RBFOX2: variants seen among roughly 807,000 people sequenced by gnomAD.
RBFOX2 encodes the protein RNA binding fox-1 homolog 2.
Under a neutral mutation model 49.1 loss-of-function variants are expected in RBFOX2, and 10 were observed. The observed-to-expected ratio is 0.20, with a 90% CI of 0.13 to 0.35. The LOEUF (loss-of-function observed/expected upper bound fraction) is 0.35, where lower values mean the gene tolerates loss of function less well. Among genes scored for constraint, RBFOX2 ranks in the 10% least tolerant of loss-of-function variants. The probability of loss-of-function intolerance (pLI) is 1.00; values close to 1 mark genes in which losing one functional copy is unlikely to be tolerated. For synonymous variants in RBFOX2, 183 were observed against 187.4 expected (o/e 0.98, Z 0.19); for missense variants, 323 against 486.9 (o/e 0.66, Z 3.17).
intron 1 of RBFOX2, among the ~76,000 whole-genome samples, chr22:35,881,768 G>A (rs1198104894): frequency 3.3e-5 from 5 of 151,888 alleles, no homozygotes; most frequent in African/African-American, 1.2e-4. Context: ...AGACCTGCCT[G>A]GCCAATATGG....
At chr22:35,747,067 G>C (rs1354516384) in intron 9 of RBFOX2, 1 of 152,268 alleles carries the variant, frequency 6.6e-6, no homozygotes, top group Non-Finnish European at 1.5e-5. Context: ...GGCCTAGCAT[G>C]TTTGCCAAGA....
At chr22:36,023,164 A>G (rs1001590792) in intron 1 of RBFOX2, among the ~76,000 whole-genome samples, 1 of 152,214 alleles carries the variant, frequency 6.6e-6, no homozygotes, top group African/African-American at 2.4e-5. Context: ...AGAGACATCC[A>G]CCTATGAGGA....
chr22:35,918,451 A>G (rs1308789105), intron 1 of RBFOX2, among the ~76,000 whole-genome samples: 2 of 152,214 alleles, frequency 1.3e-5, no homozygotes, highest in African/African-American at 4.8e-5. Context: ...CCCTAGAGTC[A>G]GCATTCATTC....
At chr22:36,001,096 T>A (rs1041399674) in intron 1 of RBFOX2, among the ~76,000 whole-genome samples, 4 of 152,086 alleles carry the variant, frequency 2.6e-5, no homozygotes, top group African/African-American at 9.6e-5. Context: ...GTAAAGAAGG[T>A]CCTTCTCAGA....
intron 1 of RBFOX2, among the ~76,000 whole-genome samples, chr22:35,829,139 A>T (rs1319918348): frequency 2.0e-5 from 3 of 152,238 alleles, no homozygotes; most frequent in Non-Finnish European, 4.4e-5. Context: ...TGCTGTAGAT[A>T]AAGCTCAAGA....
In RBFOX2 at chr22:35,767,416, G is replaced by A. The variant is rs564168301; in HGVS notation, c.546+841C>T. Among the ~76,000 whole-genome samples, 4 of 152,296 alleles carry A rather than the reference G, an allele frequency of 2.6e-5. No individual in the cohort carries two copies. The South Asian group carries it at 6.2e-4, about 24-fold the overall frequency. Reference sequence around the variant, plus strand: ...ATTGTGTATAGTTACCATGGAAAGAGTGAGTCAAGTGAAGGGCCCTAAATG... The same window carrying A: ...ATTGTGTATAGTTACCATGGAAAGAATGAGTCAAGTGAAGGGCCCTAAATG... On this transcript the variant is annotated intron_variant, in intron 5 of 11. Coordinates refer to ENST00000405409, the Ensembl canonical transcript of RBFOX2.
At chr22:35,916,668 G>A (rs1321547782) in intron 1 of RBFOX2, among the ~76,000 whole-genome samples, 1 of 152,078 alleles carries the variant, frequency 6.6e-6, no homozygotes, top group Non-Finnish European at 1.5e-5. Context: ...GGCTGACGCG[G>A]GCGGGTCACC....
rs187719012 is a variant in RBFOX2 at position 35,856,925 on chromosome 22, G to A, written c.-33-46921C>T. On this transcript the variant is annotated intron_variant, in intron 1 of 13. Transcript: ENST00000359369. ...CGTGCGCCTGTAATCCCAACTACTC[G>A]GGAGGTTGAGGCAGGAGAATTGCCT... Among the ~76,000 whole-genome samples, 13 of 152,206 alleles carry A rather than the reference G, an allele frequency of 8.5e-5. No homozygotes were observed. The East Asian group carries it at 1.9e-3, about 23-fold the overall frequency.
chr22:35,750,649 AATG>A (rs1236609663), intron 9 of RBFOX2, among the ~76,000 whole-genome samples: 5 of 152,322 alleles, frequency 3.3e-5, no homozygotes, highest in African/African-American at 1.2e-4. Context: ...ATTCATTCTG[AATG>A]ATACCTGGTG....
At chr22:35,960,498 TA>T (rs2056078861) in intron 1 of RBFOX2, among the ~76,000 whole-genome samples, 2 of 152,136 alleles carry the variant, frequency 1.3e-5, no homozygotes, top group Admixed American at 1.3e-4. Context: ...CTTGAACAAA[TA>T]AATCCAAATG....
chr22:35,807,219 T>C (rs5750177), intron 2 of RBFOX2, among the ~76,000 whole-genome samples: 33,452 of 152,046 alleles, frequency 0.22, 5,556 homozygotes, highest in African/African-American at 0.47. Context: ...AGTGATTACA[T>C]TAATATCAGA....
chr22:35,750,772 T>C (rs1345908761), intron 9 of RBFOX2, among the ~76,000 whole-genome samples: 1 of 152,254 alleles, frequency 6.6e-6, no homozygotes, highest in Non-Finnish European at 1.5e-5. Context: ...TCGCCCTCTG[T>C]CAACAACCGT....
intron 1 of RBFOX2, among the ~76,000 whole-genome samples, chr22:36,017,054 G>A (rs1308601252): frequency 6.6e-6 from 1 of 152,142 alleles, no homozygotes; most frequent in African/African-American, 2.4e-5. Context: ...AAGTGAAGTC[G>A]GAGGGGAGAA....
upstream of RBFOX2, among the ~76,000 whole-genome samples, chr22:35,941,513 C>T (rs900831172): frequency 6.6e-6 from 1 of 152,156 alleles, no homozygotes; most frequent in Non-Finnish European, 1.5e-5. Context: ...TGCTGGACTA[C>T]AAACCCCTGT....
chr22:35,871,428 G>A (rs1332757337), intron 1 of RBFOX2, among the ~76,000 whole-genome samples: 1 of 152,146 alleles, frequency 6.6e-6, no homozygotes, highest in Admixed American at 6.5e-5. Flanking sequence ...GGAAATACAG[G>A]GAAATGGTGA....
At chr22:35,874,286 T>C (rs1411059473) in intron 1 of RBFOX2, among the ~76,000 whole-genome samples, 1 of 152,028 alleles carries the variant, frequency 6.6e-6, no homozygotes, top group East Asian at 1.9e-4. Context: ...TACAAAGCAA[T>C]TTACCTAGAG....
chr22:35,884,370 T>C (rs1412140301), intron 1 of RBFOX2, among the ~76,000 whole-genome samples: 1 of 152,206 alleles, frequency 6.6e-6, no homozygotes, highest in Non-Finnish European at 1.5e-5. Flanking sequence ...TCTCAGTTTA[T>C]GTGGATCAGA....
chr22:35,821,272 C>T (rs1173212535), intron 1 of RBFOX2, among the ~76,000 whole-genome samples: 11 of 151,874 alleles, frequency 7.2e-5, no homozygotes, highest in Admixed American at 7.2e-4. Flanking sequence ...CACATGATAG[C>T]AAATCAAATA....
At chr22:36,028,621 C>T (rs1396150241) in exon 1 of RBFOX2, among the ~76,000 whole-genome samples, 1 of 149,604 alleles carries the variant, frequency 6.7e-6, no homozygotes, top group Non-Finnish European at 1.5e-5. Context: ...CGCTTGCTCC[C>T]CGCCCGCCCG....
Sources: allele counts gnomAD v4.1 joint callset (sites outside exome capture counted in the v4.1 genomes callset), GRCh38; gene constraint gnomAD v4.1.1; transcripts MANE v1.5; gene names NCBI Gene and HGNC (gene_info 2026-07-23, HGNC 2026-07-21).